The following KLHL4 variants were observed in gnomAD, a reference collection of about 807,000 sequenced individuals.
KLHL4 encodes the protein kelch like family member 4.
A neutral mutation model predicts 45.8 loss-of-function variants in KLHL4; 17 were observed. The ratio of observed to expected loss-of-function variants is 0.37; its 90% CI spans 0.25 to 0.56. KLHL4 has a LOEUF of 0.56. Ranked by LOEUF, KLHL4 falls within the 20% of genes least tolerant of loss-of-function variation. The pLI is 0.79. For synonymous variants in KLHL4, 224 were observed against 189.9 expected, an observed-to-expected ratio of 1.18 and a Z score of -1.47; for missense variants, 544 against 544.9, an observed-to-expected ratio of 1.00 and a Z score of 0.02.
chrX:87,599,216 G>A (rs996600773), intron 1 of KLHL4, among the ~76,000 whole-genome samples: 5 of 110,859 alleles, frequency 4.5e-5, no homozygotes, highest in African/African-American at 1.6e-4. Flanking sequence ...CCTGCCTAGA[G>A]AGTTGGCTCT....
At chrX:87,529,777 G>A (rs1012155014) in intron 1 of KLHL4, among the ~76,000 whole-genome samples, 28 of 111,843 alleles carry the variant, frequency 2.5e-4, no homozygotes, top group Non-Finnish European at 4.5e-4. Flanking sequence ...AATAAAGACC[G>A]TGTCAAATGT....
Position 87,539,294 on chromosome X carries a change from GT to G in KLHL4, c.422+20987del, listed in dbSNP as rs1228374331. 4.7e-3 allele frequency among the ~76,000 whole-genome samples: 513 copies of G among 109,770 alleles called. 2 individuals carry two copies. The highest frequency in any genetic ancestry group is 0.016 in the African/African-American group (499 of 30,359). On this transcript the variant is annotated intron_variant, in intron 1 of 10. Transcript: ENST00000373119. ...GATGTGGTAAAGAAGACATAAAACT[GT>G]TTTTTTTCCTCTATTCAACCTTTTT...
chrX:87,669,006 A>T lies in KLHL4; in HGVS notation c.*2472A>T. On this transcript the variant is annotated 3_prime_UTR_variant, in exon 11 of 11. Coordinates refer to ENST00000373119, the MANE Select transcript of KLHL4 (RefSeq NM_019117.5). The stretch of plus-strand genomic sequence containing the variant: ...ATAGAGACCTGCAGAGGCCCAGGGC[A>T]CTCAAACATAACTGTGCTTGTCTCA... 1 of 811,417 alleles carries T rather than the reference A, an allele frequency of 1.2e-6. No homozygotes were observed. Among genetic ancestry groups the T allele is most frequent in the East Asian group, 9.7e-5 (1 of 10,316 alleles). The allele number at this position is 811,417 out of a possible 1,213,427, so 66.9% of individuals were successfully genotyped here. A position where few individuals can be genotyped will look rare whatever the true frequency, so the allele number is the denominator to read the frequency against.
At chrX:87,617,211 G>T (rs1447833699) in intron 3 of KLHL4, among the ~76,000 whole-genome samples, 30 of 102,906 alleles carry the variant, frequency 2.9e-4, no homozygotes, top group African/African-American at 8.0e-4. Context: ...AAAAGAGACT[G>T]TTTTTTTTTT....
chrX:87,601,539 G>A (rs1922015870), intron 1 of KLHL4, among the ~76,000 whole-genome samples: 1 of 111,439 alleles, frequency 9.0e-6, no homozygotes, highest in Non-Finnish European at 1.9e-5. Context: ...GCTTGAGCCT[G>A]CTCACCCAAG....
chrX:87,609,094 CT>C (rs1322023831), intron 1 of KLHL4, among the ~76,000 whole-genome samples: 2 of 111,629 alleles, frequency 1.8e-5, no homozygotes, highest in Admixed American at 9.6e-5. Flanking sequence ...TGAACTTATC[CT>C]TTTTTATGGC....
In KLHL4 at chrX:87,650,581, G is replaced by C. The variant is rs561089796; in HGVS notation, c.1926-14183G>C. ...AAATAAAGTGGTAAATGTGGTTCTT[G>C]TTCTTACAGGAAATACTTTACATTA... On this transcript the variant is annotated intron_variant, in intron 9 of 10. Coordinates refer to ENST00000373119, the MANE Select transcript of KLHL4 (RefSeq NM_019117.5). 1.4e-4 allele frequency among the ~76,000 whole-genome samples: 16 copies of C among 112,250 alleles called. 1 individual carries two copies. The South Asian group carries it at 5.9e-3, about 41-fold the overall frequency.
intron 1 of KLHL4, among the ~76,000 whole-genome samples, chrX:87,573,058 G>A (rs1602423579): frequency 9.0e-6 from 1 of 111,610 alleles, no homozygotes; most frequent in Admixed American, 9.5e-5. Flanking sequence ...TTCAGTAAAG[G>A]CATTTGTTTG....
intron 1 of KLHL4, among the ~76,000 whole-genome samples, chrX:87,607,689 A>G (rs1482319029): frequency 8.9e-6 from 1 of 111,860 alleles, no homozygotes; most frequent in Non-Finnish European, 1.9e-5. Flanking sequence ...GTAGTTTCCT[A>G]GTCAGTTTAC....
intron 1 of KLHL4, among the ~76,000 whole-genome samples, chrX:87,590,287 A>G (rs1311016657): frequency 9.1e-6 from 1 of 110,384 alleles, no homozygotes; most frequent in Non-Finnish European, 1.9e-5. Flanking sequence ...CAAACATAAA[A>G]AATAAAATCA....
chrX:87,628,612 T>C (rs1441144201), intron 6 of KLHL4, among the ~76,000 whole-genome samples: 1 of 111,839 alleles, frequency 8.9e-6, no homozygotes, highest in Non-Finnish European at 1.9e-5. Context: ...GAGTACAGTG[T>C]ACACTGCTTG....
chrX:87,561,060 A>G (rs1365313847), intron 1 of KLHL4, among the ~76,000 whole-genome samples: 1 of 111,552 alleles, frequency 9.0e-6, no homozygotes, highest in Non-Finnish European at 1.9e-5. Context: ...AGAAAAAAAC[A>G]TAGGGAAACT....
intron 1 of KLHL4, among the ~76,000 whole-genome samples, chrX:87,589,674 A>T (rs1021169381): frequency 9.0e-6 from 1 of 111,171 alleles, no homozygotes; most frequent in African/African-American, 3.3e-5. Flanking sequence ...GAGTGGTGGG[A>T]AGGTGGGTGG....
At chrX:87,566,328 A>G (rs748666470) in intron 1 of KLHL4, among the ~76,000 whole-genome samples, 2 of 111,126 alleles carry the variant, frequency 1.8e-5, no homozygotes, top group Non-Finnish European at 3.8e-5. Flanking sequence ...AAAATCATTG[A>G]AAAAAAATAC....
chrX:87,601,052 A>T (rs1323040832), intron 1 of KLHL4, among the ~76,000 whole-genome samples: 1 of 111,619 alleles, frequency 9.0e-6, no homozygotes, highest in Non-Finnish European at 1.9e-5. Context: ...GCACCGAAGT[A>T]TGTTACCAGC....
At position 87,613,889 on chromosome X, in the gene KLHL4, A is replaced by G. The variant is rs1922463551; in HGVS notation, c.435A>G (p.Gln145=). Residue 145 remains glutamine, a synonymous_variant, in exon 2 of 11, where the codon CAA becomes CAG. Transcript: ENST00000373119. ...ACTTCCTTTTCAGATTAGATACACA[A>G]CACTCTGAAGACATGAATGCCACCA... ...IEDSTARLDT[Q]HSEDMNATRS... The G allele has an allele frequency of 2.5e-6, 3 of 1,189,855 alleles. No homozygotes were observed. The highest frequency in any genetic ancestry group is 3.4e-6 in the Non-Finnish European group (3 of 883,933).
intron 1 of KLHL4, among the ~76,000 whole-genome samples, chrX:87,601,952 A>G (rs1922030521): frequency 9.0e-6 from 1 of 110,945 alleles, no homozygotes; most frequent in Non-Finnish European, 1.9e-5. Context: ...TGACATCTTA[A>G]TAATCTTGAC....
intron 1 of KLHL4, among the ~76,000 whole-genome samples, chrX:87,579,105 G>C (rs1410862794): frequency 9.0e-6 from 1 of 111,109 alleles, no homozygotes; most frequent in East Asian, 2.8e-4. Flanking sequence ...CTCAAAGATG[G>C]TACAGTAATT....
chrX:87,669,155 T>C lies in KLHL4; in HGVS notation c.*2621T>C, dbSNP rs1285834376. 1.9e-6 allele frequency: 2 copies of C among 1,036,647 alleles called. No homozygotes were observed. The highest frequency in any genetic ancestry group is 2.5e-6 in the Non-Finnish European group (2 of 810,359). The allele number at this position is 1,036,647 out of a possible 1,213,427, so 85.4% of individuals were successfully genotyped here. ...GGAAAGGATGTTATTTATATATTCT[T>C]ACAAGAGTGTAAGGGCTCACACATT... On this transcript the variant is annotated 3_prime_UTR_variant, in exon 11 of 11. Transcript: ENST00000373119.
Sources: allele counts gnomAD v4.1 joint callset (sites outside exome capture counted in the v4.1 genomes callset), GRCh38; gene constraint gnomAD v4.1.1; transcripts MANE v1.5; gene names NCBI Gene and HGNC (gene_info 2026-07-23, HGNC 2026-07-21).